Variants in ZNF248 observed in about 807,000 individuals in gnomAD.
The protein encoded by ZNF248 is KRAB protein domain.
ZNF248 carries 20 observed loss-of-function variants against 44.3 expected under a neutral mutation model. That is an observed-to-expected ratio of 0.45 (90% CI 0.32 to 0.66). The LOEUF is 0.66. ZNF248 is among the 30% of genes least tolerant of loss of function. The pLI is 0.04. For missense variants in ZNF248, 654 were observed against 677.0 expected, an observed-to-expected ratio of 0.97 and a Z score of 0.38; for synonymous variants, 224 against 229.0, an observed-to-expected ratio of 0.98 and a Z score of 0.20.
intron 6 of ZNF248, among the ~76,000 whole-genome samples, chr10:37,792,467 C>G (rs1004111774): frequency 6.6e-6 from 1 of 152,184 alleles, no homozygotes; most frequent in Non-Finnish European, 1.5e-5. Context: ...AGGGGTGAAG[C>G]TTAACTCTTC....
At chr10:37,762,549 C>A in the ZNF248 span, among the ~76,000 whole-genome samples, 9,122 of 152,170 alleles carry the variant, frequency 0.06, 351 homozygotes, top group Middle Eastern at 0.095. Context: ...TTCAATGAAC[C>A]ATGAGCTAAG....
chr10:37,855,687 G>T (rs1317747391), intron 3 of ZNF248, among the ~76,000 whole-genome samples: 1 of 152,208 alleles, frequency 6.6e-6, no homozygotes, highest in Non-Finnish European at 1.5e-5. Flanking sequence ...TAATGCAAAG[G>T]CAAAAACATG....
At chr10:37,840,868 C>T (rs574576283) in intron 3 of ZNF248, among the ~76,000 whole-genome samples, 1 of 152,292 alleles carries the variant, frequency 6.6e-6, no homozygotes, top group South Asian at 2.1e-4. Context: ...AGCCTGAAAT[C>T]ACTTCTGGTA....
chr10:37,781,477 T>G (rs1158269651), intron 6 of ZNF248, among the ~76,000 whole-genome samples: 1 of 152,180 alleles, frequency 6.6e-6, no homozygotes, highest in Admixed American at 6.5e-5. Flanking sequence ...CTCTGCCCAT[T>G]GGTTGGAGTT....
chr10:37,837,079 A>G (rs2057361360), intron 5 of ZNF248, among the ~76,000 whole-genome samples: 1 of 149,644 alleles, frequency 6.7e-6, no homozygotes, highest in African/African-American at 2.5e-5. Flanking sequence ...AAAATACTTT[A>G]AAATGTAAAA....
At chr10:37,770,698 G>C in the ZNF248 span, among the ~76,000 whole-genome samples, 1 of 152,170 alleles carries the variant, frequency 6.6e-6, no homozygotes, top group African/African-American at 2.4e-5. Flanking sequence ...ATACCATTCA[G>C]GACACAGACA....
chr10:37,799,787 C>T (rs2049580901), intron 6 of ZNF248, among the ~76,000 whole-genome samples: 1 of 152,082 alleles, frequency 6.6e-6, no homozygotes, highest in Non-Finnish European at 1.5e-5. Flanking sequence ...GAGAAAAACG[C>T]TAATAACTAG....
intron 6 of ZNF248, chr10:37,821,031 A>G: frequency 1.8e-6 from 2 of 1,129,754 alleles, no homozygotes; most frequent in South Asian, 1.3e-5. Flanking sequence ...CTGGGATCCC[A>G]AAGACCTACA....
chr10:37,856,578 G>T, intron 1 of ZNF248, 46 bp from the exon 2 acceptor site: 1 of 1,137,040 alleles, frequency 8.8e-7, no homozygotes, highest in Non-Finnish European at 1.1e-6. Flanking sequence ...AGTTTAACAA[G>T]TTAACAGTAA....
the ZNF248 span, among the ~76,000 whole-genome samples, chr10:37,770,380 A>C: frequency 2.0e-5 from 3 of 152,248 alleles, no homozygotes; most frequent in Admixed American, 6.5e-5. Flanking sequence ...ACTATACTAC[A>C]AGGCTACAGT....
At chr10:37,820,235 G>T in intron 6 of ZNF248, 1 of 1,335,750 alleles carries the variant, frequency 7.5e-7, no homozygotes, top group Non-Finnish European at 1.1e-6. Context: ...GTCTGTGCCA[G>T]ATGGAGATCT....
chr10:37,791,038 A>ATTTTTTTTTT (rs1554813574), intron 6 of ZNF248, among the ~76,000 whole-genome samples: 1 of 39,640 alleles, frequency 2.5e-5, no homozygotes, highest in Non-Finnish European at 5.2e-5. Flanking sequence ...ATACTTTGTT[A>ATTTTTTTTTT]TTTCTTTTTT....
At chr10:37,806,407 CCCTT>C in intron 6 of ZNF248, among the ~76,000 whole-genome samples, 1 of 152,208 alleles carries the variant, frequency 6.6e-6, no homozygotes, top group Non-Finnish European at 1.5e-5. Context: ...CTTTCTCCCT[CCCTT>C]CCTTCTTTTG....
At chr10:37,781,933 T>G (rs1232495868) in intron 6 of ZNF248, among the ~76,000 whole-genome samples, 1 of 152,250 alleles carries the variant, frequency 6.6e-6, no homozygotes, top group Non-Finnish European at 1.5e-5. Flanking sequence ...CTTGTCCCAG[T>G]ATCCATTGTA....
chr10:37,765,132 T>A, the ZNF248 span, among the ~76,000 whole-genome samples: 15 of 152,160 alleles, frequency 9.9e-5, no homozygotes, highest in African/African-American at 3.6e-4. Context: ...TTTTTTTTTA[T>A]TTTTAGTAGA....
downstream of ZNF248, among the ~76,000 whole-genome samples, chr10:37,771,555 A>C (rs1429251730): frequency 1.4e-5 from 2 of 145,836 alleles, no homozygotes; most frequent in Admixed American, 1.4e-4. Context: ...GTTCTCACTC[A>C]TAGGTGGGAG....
chr10:37,767,862 T>TTGAC, the ZNF248 span, among the ~76,000 whole-genome samples: 8 of 152,300 alleles, frequency 5.3e-5, no homozygotes, highest in South Asian at 2.1e-4. Context: ...CCCATCAGTG[T>TTGAC]GCTGTATTCA....
At chr10:37,837,899 A>G (rs1407895567) in intron 4 of ZNF248, 86 bp downstream of exon 4, 33 of 1,534,750 alleles carry the variant, frequency 2.2e-5, no homozygotes, top group Non-Finnish European at 1.8e-5. Flanking sequence ...AGAGCCTTCA[A>G]TCTCAAGCTT....
In ZNF248 at chr10:37,780,921, G is replaced by A. The variant is rs2047232072; in HGVS notation, c.331-4346C>T. On this transcript the variant is annotated intron_variant, in intron 6 of 6. Coordinates refer to the ZNF248 transcript ENST00000615949. ...TCTCTGCAAGGAACGGAAGCACAGG[G>A]AAGCACTGCAGGAGATTGCAAAAGG... Among the ~76,000 whole-genome samples, 6 of 152,302 alleles carry A rather than the reference G, an allele frequency of 3.9e-5. No homozygotes were observed. In the South Asian group the frequency reaches 8.3e-4, roughly 21 times the overall value.
Sources: allele counts gnomAD v4.1 joint callset (sites outside exome capture counted in the v4.1 genomes callset), GRCh38; gene constraint gnomAD v4.1.1; transcripts MANE v1.5; gene names NCBI Gene and HGNC (gene_info 2026-07-23, HGNC 2026-07-21).